Variants in MDGA2 observed in about 807,000 individuals in gnomAD.
The protein encoded by MDGA2 is MAM domain-containing glycosylphosphatidylinositol anchor protein 2.
A neutral mutation model predicts 117.8 loss-of-function variants in MDGA2; 40 were observed. The observed-to-expected ratio is 0.34, with a 90% CI of 0.26 to 0.44. The LOEUF is 0.44. Among genes scored for constraint, MDGA2 ranks in the 20% least tolerant of loss-of-function variants. The probability of loss-of-function intolerance (pLI) is 1.00; values close to 1 mark genes in which losing one functional copy is unlikely to be tolerated. For missense variants in MDGA2, 1,123 were observed against 1,250.6 expected (o/e 0.90, Z 1.54); for synonymous variants, 452 against 439.0 (o/e 1.03, Z -0.37).
intron 1 of MDGA2, among the ~76,000 whole-genome samples, chr14:47,542,198 C>T (rs1895367003): frequency 6.6e-6 from 1 of 152,138 alleles, no homozygotes; most frequent in African/African-American, 2.4e-5. Flanking sequence ...GATGATGTAG[C>T]CTTAAAGCAT....
At chr14:46,865,179 G>A (rs1881698965) in intron 14 of MDGA2, among the ~76,000 whole-genome samples, 1 of 151,988 alleles carries the variant, frequency 6.6e-6, no homozygotes, top group South Asian at 2.1e-4. Flanking sequence ...TACCATCTTT[G>A]CTTTCTCAAT....
At chr14:46,859,420 C>T (rs979576012) in intron 14 of MDGA2, among the ~76,000 whole-genome samples, 1 of 152,194 alleles carries the variant, frequency 6.6e-6, no homozygotes, top group Non-Finnish European at 1.5e-5. Context: ...TTGGATTCAA[C>T]CCTGCATATC....
rs566433288 is a variant in MDGA2 at position 47,387,307 on chromosome 14, T to C, written c.281-85757A>G. 3.6e-4 allele frequency among the ~76,000 whole-genome samples: 55 copies of C among 152,078 alleles called. 1 individual carries two copies. Among genetic ancestry groups the C allele is most frequent in the African/African-American group, 1.3e-3 (54 of 41,494 alleles). On this transcript the variant is annotated intron_variant, in intron 1 of 16. Transcript: ENST00000399232. ...GGGTTACTTTGGTACCACGGTTGGG[T>C]TATTCTCCACCCACCCCCAAACCCA... is the stretch of plus-strand genomic sequence containing the variant.
chr14:47,294,567 AATTAT>A (rs1270711747), intron 2 of MDGA2, among the ~76,000 whole-genome samples: 4 of 152,116 alleles, frequency 2.6e-5, no homozygotes, highest in African/African-American at 9.7e-5. Context: ...AAAAAAAGCA[AATTAT>A]ATTAATTTTA....
chr14:47,626,421 C>G (rs1378921499), intron 1 of MDGA2: 5 of 153,144 alleles, frequency 3.3e-5, no homozygotes, highest in African/African-American at 9.6e-5. Context: ...CCTTCGCTCT[C>G]GGCGCCTCCT....
At chr14:46,881,231 T>C (rs1882446956) in intron 11 of MDGA2, among the ~76,000 whole-genome samples, 1 of 152,164 alleles carries the variant, frequency 6.6e-6, no homozygotes. Flanking sequence ...AGAAATCTTA[T>C]GTATTTCTAA....
intron 1 of MDGA2, among the ~76,000 whole-genome samples, chr14:47,377,280 C>G (rs1278160160): frequency 6.6e-6 from 1 of 152,134 alleles, no homozygotes; most frequent in African/African-American, 2.4e-5. Flanking sequence ...CAGCTCCAGT[C>G]TACAGCTCCC....
intron 2 of MDGA2, among the ~76,000 whole-genome samples, chr14:47,251,041 A>G (rs1319334969): frequency 6.6e-6 from 1 of 152,188 alleles, no homozygotes; most frequent in Non-Finnish European, 1.5e-5. Context: ...ATAAAAAATA[A>G]TGTTTAAATA....
chr14:47,314,691 A>C (rs558172881), intron 1 of MDGA2, among the ~76,000 whole-genome samples: 23 of 152,224 alleles, frequency 1.5e-4, no homozygotes, highest in African/African-American at 5.3e-4. Flanking sequence ...AAAAAGTGAT[A>C]ACAGAGATAA....
intron 1 of MDGA2, among the ~76,000 whole-genome samples, chr14:47,460,083 A>G (rs917616041): frequency 1.3e-5 from 2 of 152,166 alleles, no homozygotes; most frequent in African/African-American, 4.8e-5. Context: ...TGATTCTAAT[A>G]TTTAACGATG....
At chr14:47,298,595 T>C (rs1423297129) in intron 2 of MDGA2, among the ~76,000 whole-genome samples, 2 of 152,096 alleles carry the variant, frequency 1.3e-5, no homozygotes, top group Non-Finnish European at 2.9e-5. Context: ...CATTGCCCTT[T>C]AGACTTTGGC....
intron 1 of MDGA2, chr14:47,626,256 A>G (rs964583825): frequency 6.6e-6 from 1 of 152,254 alleles, no homozygotes; most frequent in African/African-American, 2.4e-5. Context: ...CATTAAAAAC[A>G]GTCAATACTT....
chr14:47,421,717 A>C (rs1256740195), intron 1 of MDGA2, among the ~76,000 whole-genome samples: 2 of 152,096 alleles, frequency 1.3e-5, no homozygotes, highest in Non-Finnish European at 2.9e-5. Flanking sequence ...TTTAAAAGAA[A>C]CCTCTCATGA....
chr14:47,001,503 A>G (rs1002920942), intron 8 of MDGA2, among the ~76,000 whole-genome samples: 5 of 152,108 alleles, frequency 3.3e-5, no homozygotes, highest in Non-Finnish European at 7.4e-5. Context: ...AACATGGTAG[A>G]AAGATTTGAT....
At chr14:47,004,296 G>A (rs1244441130) in intron 8 of MDGA2, among the ~76,000 whole-genome samples, 1 of 151,744 alleles carries the variant, frequency 6.6e-6, no homozygotes, top group Non-Finnish European at 1.5e-5. Context: ...TTTGGTGTAT[G>A]GAAATCCAAC....
At chr14:47,489,202 C>G (rs1279575942) in intron 1 of MDGA2, among the ~76,000 whole-genome samples, 1 of 121,896 alleles carries the variant, frequency 8.2e-6, no homozygotes, top group Non-Finnish European at 1.9e-5. Context: ...TTCTCTGACA[C>G]AAAAAAAAAT....
At chr14:46,982,734 A>AAAAAAAAAAAAATAAT (rs1449356596) in intron 8 of MDGA2, among the ~76,000 whole-genome samples, 5 of 130,326 alleles carry the variant, frequency 3.8e-5, no homozygotes, top group Admixed American at 7.9e-5. Context: ...AAAAAAAAAA[A>AAAAAAAAAAAAATAAT]AATCATGTCA....
intron 3 of MDGA2, among the ~76,000 whole-genome samples, chr14:47,156,139 C>T (rs1205597115): frequency 6.6e-6 from 1 of 151,690 alleles, no homozygotes; most frequent in African/African-American, 2.4e-5. Flanking sequence ...AAACACCTAA[C>T]CTCAAGTGAT....
chr14:47,226,122 C>T (rs1886489125), intron 2 of MDGA2, among the ~76,000 whole-genome samples: 2 of 151,362 alleles, frequency 1.3e-5, no homozygotes, highest in Admixed American at 1.3e-4. Context: ...AGACCCCTAT[C>T]TCTACAAAAA....
Sources: gnomAD v4.1 joint callset for allele counts (sites outside exome capture counted in the v4.1 genomes callset) on GRCh38, gnomAD v4.1.1 for gene constraint, MANE v1.5 for transcripts, NCBI Gene and HGNC (gene_info 2026-07-23, HGNC 2026-07-21) for gene names.